Variants in MSRA observed in about 807,000 individuals in gnomAD.
MSRA encodes the protein mitochondrial peptide methionine sulfoxide reductase.
A neutral mutation model predicts 31.3 loss-of-function variants in MSRA; 54 were observed. That is an observed-to-expected ratio of 1.73 (90% CI 1.39 to 2.17). The LOEUF is 2.17. Among genes scored for constraint, MSRA ranks in the 30% most tolerant of loss-of-function variants. The pLI, the probability that MSRA is intolerant of heterozygous loss-of-function variation, is 0.00. For missense variants in MSRA, 507 were observed against 300.9 expected (o/e 1.69, Z -5.07); for synonymous variants, 169 against 116.5 (o/e 1.45, Z -2.90).
intron 1 of MSRA, among the ~76,000 whole-genome samples, chr8:10,141,428 A>G (rs748543532): frequency 2.8e-4 from 42 of 152,218 alleles, no homozygotes; most frequent in Admixed American, 1.3e-4. Context: ...ACGCACTCCA[A>G]TGCACAAGAC....
chr8:10,222,948 A>G (rs1810660974), intron 2 of MSRA, among the ~76,000 whole-genome samples: 1 of 152,158 alleles, frequency 6.6e-6, no homozygotes, highest in South Asian at 2.1e-4. Context: ...TTGCTAAGAG[A>G]GTAGATTTTA....
intron 5 of MSRA, among the ~76,000 whole-genome samples, chr8:10,344,034 A>G (rs1803612831): frequency 6.6e-6 from 1 of 152,188 alleles, no homozygotes; most frequent in African/African-American, 2.4e-5. Context: ...AGTCCCAGAT[A>G]GCATCTTCTT....
intron 5 of MSRA, among the ~76,000 whole-genome samples, chr8:10,403,464 G>C (rs1264011437): frequency 6.6e-6 from 1 of 152,234 alleles, no homozygotes; most frequent in African/African-American, 2.4e-5. Context: ...ATGGGTCCTG[G>C]ATGGCTAGGC....
At chr8:10,259,735 G>T (rs891362183) in intron 3 of MSRA, among the ~76,000 whole-genome samples, 2 of 152,204 alleles carry the variant, frequency 1.3e-5, no homozygotes, top group Non-Finnish European at 2.9e-5. Flanking sequence ...CCAGGCGTGT[G>T]GGGGAGAGAT....
intron 5 of MSRA, among the ~76,000 whole-genome samples, chr8:10,423,143 G>A (rs994780224): frequency 2.6e-5 from 4 of 152,162 alleles, no homozygotes; most frequent in South Asian, 2.1e-4. Context: ...CCCCATGGAC[G>A]ACGGGAGAGG....
intron 1 of MSRA, among the ~76,000 whole-genome samples, chr8:10,070,357 C>T (rs1797668130): frequency 6.6e-6 from 1 of 152,218 alleles, no homozygotes; most frequent in African/African-American, 2.4e-5. Context: ...TAGCACCTTT[C>T]TGTAAACCAG....
chr8:10,115,346 G>C (rs1800600070), intron 1 of MSRA, among the ~76,000 whole-genome samples: 1 of 152,204 alleles, frequency 6.6e-6, no homozygotes, highest in Non-Finnish European at 1.5e-5. Context: ...TTGAAGACTT[G>C]GACAGAGCTG....
chr8:10,389,779 A>C (rs1212838973), intron 5 of MSRA, among the ~76,000 whole-genome samples: 10 of 98,280 alleles, frequency 1.0e-4, no homozygotes, highest in Non-Finnish European at 1.1e-4. Context: ...TTTTTTCCCC[A>C]GAAACTTACT....
chr8:10,165,878 A>C (rs1032812014), intron 1 of MSRA, among the ~76,000 whole-genome samples: 1 of 136,568 alleles, frequency 7.3e-6, no homozygotes, highest in African/African-American at 3.1e-5. Context: ...CTCTGTGAGC[A>C]GTTACCTTAT....
intron 1 of MSRA, among the ~76,000 whole-genome samples, chr8:10,166,985 G>A (rs116564614): frequency 6.6e-6 from 1 of 152,160 alleles, no homozygotes; most frequent in Non-Finnish European, 1.5e-5. Context: ...CCTATGAGAA[G>A]AGGATGAGGT....
intron 1 of MSRA, among the ~76,000 whole-genome samples, chr8:10,143,023 T>A (rs1015275508): frequency 1.3e-5 from 2 of 152,194 alleles, no homozygotes; most frequent in Non-Finnish European, 2.9e-5. Context: ...AACTTTGTTA[T>A]GTGGAGTAAG....
chr8:10,238,332 GCTTTT>G (rs1251146791), intron 2 of MSRA, among the ~76,000 whole-genome samples: 62 of 152,256 alleles, frequency 4.1e-4, no homozygotes, highest in African/African-American at 1.4e-3. Context: ...GACCTGCTCT[GCTTTT>G]CTTTTCATTT....
At chr8:10,145,589 T>G (rs1387871935) in intron 1 of MSRA, among the ~76,000 whole-genome samples, 1 of 152,172 alleles carries the variant, frequency 6.6e-6, no homozygotes, top group Non-Finnish European at 1.5e-5. Flanking sequence ...TTCTTGTACT[T>G]TTGATGTTTA....
intron 1 of MSRA, among the ~76,000 whole-genome samples, chr8:10,153,719 T>G: frequency 6.6e-6 from 1 of 152,160 alleles, no homozygotes; most frequent in Admixed American, 6.5e-5. Context: ...TGTTGCCCCC[T>G]TCATAACAAA....
intron 5 of MSRA, among the ~76,000 whole-genome samples, chr8:10,344,505 C>G (rs11785954): frequency 7.7e-6 from 1 of 130,528 alleles, no homozygotes; most frequent in Non-Finnish European, 1.5e-5. Flanking sequence ...ACCTGGGAGG[C>G]GGAGATTGCA....
chr8:10,343,490 GT>G (rs1803572424), intron 5 of MSRA, among the ~76,000 whole-genome samples: 2 of 152,212 alleles, frequency 1.3e-5, no homozygotes, highest in African/African-American at 4.8e-5. Context: ...TCTTTTTCTT[GT>G]TTTTCCCCCA....
intron 1 of MSRA, among the ~76,000 whole-genome samples, chr8:10,108,060 A>G (rs967283606): frequency 2.6e-5 from 4 of 152,112 alleles, no homozygotes; most frequent in Admixed American, 6.5e-5. Context: ...CTTCTTGATA[A>G]TATACTTAAT....
At chr8:10,106,193 G>A (rs1799869563) in intron 1 of MSRA, among the ~76,000 whole-genome samples, 1 of 152,154 alleles carries the variant, frequency 6.6e-6, no homozygotes, top group Admixed American at 6.5e-5. Flanking sequence ...AGACCTTGAG[G>A]TATGGTTCTC....
intron 1 of MSRA, among the ~76,000 whole-genome samples, chr8:10,168,356 C>T (rs151030352): frequency 8.3e-4 from 126 of 152,244 alleles, no homozygotes; most frequent in African/African-American, 3.0e-3. Context: ...TGGTCTTCCA[C>T]GTCGCTGGTG....
Sources: allele counts gnomAD v4.1 joint callset (sites outside exome capture counted in the v4.1 genomes callset), GRCh38; gene constraint gnomAD v4.1.1; transcripts MANE v1.5; gene names NCBI Gene and HGNC (gene_info 2026-07-23, HGNC 2026-07-21).